GALNTL6: variants seen among roughly 807,000 people sequenced by gnomAD.
GALNTL6 encodes polypeptide N-acetylgalactosaminyltransferase-like 6.
In GALNTL6, 46 loss-of-function variants were observed where a neutral mutation model predicts 73.7. The observed-to-expected ratio is 0.62, with a 90% CI of 0.49 to 0.80. GALNTL6 has a LOEUF of 0.80. GALNTL6 is among the 30% of genes least tolerant of loss of function. The probability of loss-of-function intolerance (pLI) is 0.00; values close to 1 mark genes in which losing one functional copy is unlikely to be tolerated. For synonymous variants in GALNTL6, 259 were observed against 263.7 expected, an observed-to-expected ratio of 0.98 and a Z score of 0.17; for missense variants, 604 against 755.0, an observed-to-expected ratio of 0.80 and a Z score of 2.34.
intron 5 of GALNTL6, among the ~76,000 whole-genome samples, chr4:172,614,042 C>T (rs1293322873): frequency 6.6e-6 from 1 of 152,112 alleles, no homozygotes; most frequent in Non-Finnish European, 1.5e-5. Context: ...CCTATCTCTT[C>T]TAAGATCACT....
intron 5 of GALNTL6, among the ~76,000 whole-genome samples, chr4:172,384,135 T>A (rs1305980224): frequency 6.6e-6 from 1 of 152,150 alleles, no homozygotes; most frequent in Non-Finnish European, 1.5e-5. Flanking sequence ...AAAGTGTTCC[T>A]TCCTCTTCTA....
At chr4:172,368,280 C>G (rs1167329912) in intron 5 of GALNTL6, among the ~76,000 whole-genome samples, 1 of 152,024 alleles carries the variant, frequency 6.6e-6, no homozygotes, top group African/African-American at 2.4e-5. Context: ...ACTCGGGAGG[C>G]TGAGGCAAGA....
chr4:172,587,322 T>C (rs1029164621), intron 5 of GALNTL6, among the ~76,000 whole-genome samples: 1 of 152,216 alleles, frequency 6.6e-6, no homozygotes, highest in Admixed American at 6.5e-5. Context: ...TTGCTATTAC[T>C]GAAAGCCACA....
intron 2 of GALNTL6, among the ~76,000 whole-genome samples, chr4:172,106,161 A>G (rs1383162038): frequency 1.3e-5 from 2 of 152,182 alleles, no homozygotes; most frequent in African/African-American, 4.8e-5. Context: ...AAGCAATAGT[A>G]GGTAATGAGT....
intron 12 of GALNTL6, among the ~76,000 whole-genome samples, chr4:173,023,974 T>G (rs1205377918): frequency 1.3e-5 from 2 of 152,186 alleles, no homozygotes; most frequent in East Asian, 3.8e-4. Flanking sequence ...CTTAGTATGT[T>G]AGTGGTTCCT....
chr4:172,885,531 A>G (rs73000184), intron 8 of GALNTL6, among the ~76,000 whole-genome samples: 350 of 152,268 alleles, frequency 2.3e-3, no homozygotes, highest in African/African-American at 5.7e-3. Flanking sequence ...TTCCATTACA[A>G]TTTTGATGCC....
chr4:172,792,536 A>G (rs1488097906), intron 5 of GALNTL6, among the ~76,000 whole-genome samples: 3 of 152,144 alleles, frequency 2.0e-5, no homozygotes, highest in Admixed American at 6.5e-5. Flanking sequence ...TGTATTGCTT[A>G]TCTTCCAAAA....
At chr4:172,880,143 C>T (rs1225037201) in intron 7 of GALNTL6, among the ~76,000 whole-genome samples, 1 of 151,856 alleles carries the variant, frequency 6.6e-6, no homozygotes, top group Non-Finnish European at 1.5e-5. Context: ...CTAGTTATTC[C>T]ACTTCTAGGA....
Position 172,373,182 on chromosome 4 carries a change from C to A in GALNTL6, c.553+24493C>A, listed in dbSNP as rs901100814. On this transcript the variant is annotated intron_variant, in intron 5 of 12. Transcript: ENST00000506823. ...GAGGGCTATCCCTAAACCCTTGGGG[C>A]AAGACTGTGCACATAAGTTGGGACG... is the stretch of plus-strand genomic sequence containing the variant. Among the ~76,000 whole-genome samples, 6 of 152,280 alleles carry A rather than the reference C, an allele frequency of 3.9e-5. No homozygotes were observed. The East Asian group carries it at 1.2e-3, about 29-fold the overall frequency.
chr4:172,705,026 T>C (rs1288708018), intron 5 of GALNTL6, among the ~76,000 whole-genome samples: 1 of 151,972 alleles, frequency 6.6e-6, no homozygotes, highest in East Asian at 1.9e-4. Flanking sequence ...GTGGTTTCAA[T>C]TTATATAAAA....
intron 5 of GALNTL6, among the ~76,000 whole-genome samples, chr4:172,731,905 C>T (rs1475685396): frequency 6.6e-6 from 1 of 151,988 alleles, no homozygotes; most frequent in Non-Finnish European, 1.5e-5. Flanking sequence ...AGAGAAAATA[C>T]TTGATATTAT....
intron 5 of GALNTL6, among the ~76,000 whole-genome samples, chr4:172,373,769 A>C (rs1485664520): frequency 1.3e-5 from 2 of 152,186 alleles, no homozygotes; most frequent in Admixed American, 1.3e-4. Context: ...GGCATGTGAA[A>C]AGAGCAAAGT....
At chr4:172,208,852 C>T (rs1384502651) in intron 2 of GALNTL6, among the ~76,000 whole-genome samples, 1 of 151,968 alleles carries the variant, frequency 6.6e-6, no homozygotes, top group African/African-American at 2.4e-5. Context: ...GTGTGAGAAA[C>T]CGAAGAACCA....
At chr4:172,898,449 TAA>T (rs545908855) in intron 8 of GALNTL6, among the ~76,000 whole-genome samples, 12 of 141,552 alleles carry the variant, frequency 8.5e-5, no homozygotes, top group Non-Finnish European at 9.3e-5. Context: ...AGATGGTATT[TAA>T]AAAAAAAAAA....
intron 9 of GALNTL6, among the ~76,000 whole-genome samples, chr4:172,943,852 T>C (rs141914270): frequency 2.0e-4 from 30 of 152,338 alleles, no homozygotes; most frequent in African/African-American, 6.0e-4. Flanking sequence ...AAATGGTCAG[T>C]TGATTTACAT....
At chr4:173,030,009 T>A (rs1456452362) in intron 12 of GALNTL6, among the ~76,000 whole-genome samples, 2 of 152,152 alleles carry the variant, frequency 1.3e-5, no homozygotes, top group African/African-American at 2.4e-5. Context: ...CTCAACCAGA[T>A]AAAAATTCAT....
chr4:172,766,393 C>G (rs1408722949), intron 5 of GALNTL6, among the ~76,000 whole-genome samples: 4 of 151,960 alleles, frequency 2.6e-5, no homozygotes, highest in Non-Finnish European at 5.9e-5. Context: ...AAGTCTTTTT[C>G]CCTTTTGTGG....
intron 5 of GALNTL6, among the ~76,000 whole-genome samples, chr4:172,492,613 T>C (rs1468260816): frequency 6.6e-6 from 1 of 152,144 alleles, no homozygotes; most frequent in Non-Finnish European, 1.5e-5. Flanking sequence ...GAGTTTAGCA[T>C]TTGAGGTGAA....
chr4:172,848,015 A>T (rs1203502189), intron 7 of GALNTL6, among the ~76,000 whole-genome samples: 1 of 152,190 alleles, frequency 6.6e-6, no homozygotes, highest in Non-Finnish European at 1.5e-5. Context: ...AGAAGCTTTA[A>T]TCATTATGTA....
Sources: gnomAD v4.1 joint callset for allele counts (sites outside exome capture counted in the v4.1 genomes callset) on GRCh38, gnomAD v4.1.1 for gene constraint, MANE v1.5 for transcripts, NCBI Gene and HGNC (gene_info 2026-07-23, HGNC 2026-07-21) for gene names.